FAM168B: variants seen among roughly 807,000 people sequenced by gnomAD.
FAM168B encodes the protein myelin-associated neurite-outgrowth inhibitor.
In FAM168B, 19 loss-of-function variants were observed where a neutral mutation model predicts 21.8. That is an observed-to-expected ratio of 0.87 (90% confidence interval 0.61 to 1.28). The LOEUF (loss-of-function observed/expected upper bound fraction) is 1.28, where lower values mean the gene tolerates loss of function less well. Ranked by LOEUF, FAM168B falls within the 50% of genes most tolerant of loss-of-function variation. FAM168B has a pLI of 0.00. For synonymous variants in FAM168B, 126 were observed against 104.8 expected (o/e 1.20, Z -1.24); for missense variants, 233 against 263.1 (o/e 0.89, Z 0.79).
At chr2:131,069,686 G>A (rs1312033092) in intron 3 of FAM168B, among the ~76,000 whole-genome samples, 1 of 151,862 alleles carries the variant, frequency 6.6e-6, no homozygotes, top group Admixed American at 6.6e-5. Flanking sequence ...GTAGAGAGGG[G>A]GTTTCACCGC....
At chr2:131,061,177 G>A (rs6754786) in intron 3 of FAM168B, among the ~76,000 whole-genome samples, 23,355 of 143,318 alleles carry the variant, frequency 0.16, 2,274 homozygotes, top group African/African-American at 0.27. Flanking sequence ...GTGGAAGGCC[G>A]GGCGTGGTGG....
Position 131,050,889 on chromosome 2 carries a change from G to A in FAM168B, c.*1576C>T, listed in dbSNP as rs576554111. The A allele has an allele frequency of 3.3e-5, 33 of 985,766 alleles. No individual in the cohort carries two copies. The highest frequency in any genetic ancestry group is 4.0e-5 in the Non-Finnish European group (33 of 830,250). 61.1% of individuals were successfully genotyped at this position (985,766 alleles called of 1,614,324 possible). ...AGAAGACGCACGCTCCTGCCCTAGA[G>A]GCCGCTGAAAGGGACCCAGGCCTTA... On this transcript the variant is annotated 3_prime_UTR_variant, in exon 7 of 7. Transcript: ENST00000389915.
intron 1 of FAM168B, among the ~76,000 whole-genome samples, chr2:131,092,814 T>C (rs7575891): frequency 6.6e-6 from 1 of 151,738 alleles, no homozygotes; most frequent in Non-Finnish European, 1.5e-5. Flanking sequence ...AGCAAAAAAA[T>C]AAAAATAAAA....
intron 3 of FAM168B, among the ~76,000 whole-genome samples, chr2:131,062,806 C>T (rs539577374): frequency 2.0e-5 from 3 of 152,258 alleles, no homozygotes; most frequent in African/African-American, 4.8e-5. Context: ...GCAAAAGGAG[C>T]GACTGCTCCA....
chr2:131,068,037 C>A lies in FAM168B; in HGVS notation c.154+3818G>T, dbSNP rs185565351. Among the ~76,000 whole-genome samples, 8 of 152,310 alleles carry A rather than the reference C, an allele frequency of 5.3e-5. No homozygotes were observed. The East Asian group carries it at 1.5e-3, about 29-fold the overall frequency. On this transcript the variant is annotated intron_variant, in intron 3 of 6. Transcript: ENST00000389915. ...CTGGGTGAAACCACAAGACCCCCAT[C>A]TCTTAAAAACAAACACCCAAGACAT...
chr2:131,080,257 T>C (rs1693368456), intron 2 of FAM168B, among the ~76,000 whole-genome samples: 2 of 151,758 alleles, frequency 1.3e-5, no homozygotes, highest in South Asian at 4.1e-4. Flanking sequence ...TTGCACAAAA[T>C]TAAAACAGTA....
At chr2:131,074,676 T>C (rs530352072) in intron 2 of FAM168B, among the ~76,000 whole-genome samples, 1 of 152,304 alleles carries the variant, frequency 6.6e-6, no homozygotes, top group Non-Finnish European at 1.5e-5. Context: ...GAACAAATCA[T>C]GGTGCTAACA....
intron 1 of FAM168B, among the ~76,000 whole-genome samples, chr2:131,092,015 G>A (rs1157161544): frequency 6.6e-6 from 1 of 151,548 alleles, no homozygotes; most frequent in East Asian, 1.9e-4. Context: ...GTGGTGGCGG[G>A]CGCCTGCAGT....
intron 1 of FAM168B, among the ~76,000 whole-genome samples, chr2:131,088,788 T>C (rs1171859290): frequency 1.3e-5 from 2 of 152,220 alleles, no homozygotes; most frequent in Admixed American, 6.5e-5. Flanking sequence ...TATAAGGTTA[T>C]GCACTGTACT....
Position 131,051,032 on chromosome 2 carries a change from T to A in FAM168B, c.*1433A>T, listed in dbSNP as rs1691642237. 2.0e-6 allele frequency: 2 copies of A among 985,444 alleles called. No homozygotes were observed. The highest frequency in any genetic ancestry group is 1.2e-6 in the Non-Finnish European group (1 of 829,978). The allele number at this position is 985,444 out of a possible 1,614,324, so 61.0% of individuals were successfully genotyped here. On this transcript the variant is annotated 3_prime_UTR_variant, in exon 7 of 7. Coordinates refer to ENST00000389915, the MANE Select transcript of FAM168B (RefSeq NM_001009993.4). ...GCCTTTTCATTTCTTATGTACAAGA[T>A]TCAGATCCTAAACTCAAATTCCTCT...
At position 131,049,666 on chromosome 2, in the gene FAM168B, G is replaced by A; in HGVS notation, c.*2799C>T. On this transcript the variant is annotated 3_prime_UTR_variant, in exon 7 of 7. Transcript: ENST00000389915. ...CAAATATTTTTTAAATAGCCATCATGATGTCCATGTTTACATGAACTAGGT... is the reference window on the plus strand; with the variant it reads ...CAAATATTTTTTAAATAGCCATCATAATGTCCATGTTTACATGAACTAGGT... The A allele has an allele frequency of 2.0e-6, 2 of 985,664 alleles. No homozygotes were observed. The highest frequency in any genetic ancestry group is 1.7e-5 in the African/African-American group (1 of 57,258). 61.1% of individuals were successfully genotyped at this position (985,664 alleles called of 1,614,324 possible).
rs555074743 is a variant in FAM168B, at chr2:131,078,925, T to C, written c.70+3652A>G. On this transcript the variant is annotated intron_variant, in intron 2 of 6. Transcript: ENST00000389915. ...CCCTTGAGTCCAAGGAGTTTGAGGC[T>C]GCAGTGAGCCGTGACTACACCACTG... Among the ~76,000 whole-genome samples, 24 of 148,418 alleles carry C rather than the reference T, an allele frequency of 1.6e-4. No homozygotes were observed. The South Asian group carries it at 5.1e-3, about 32-fold the overall frequency.
At chr2:131,080,580 T>C (rs1366993501) in intron 2 of FAM168B, among the ~76,000 whole-genome samples, 2 of 149,796 alleles carry the variant, frequency 1.3e-5, no homozygotes, top group East Asian at 2.0e-4. Context: ...ATCGTGCCAC[T>C]GCACTCCAGC....
intron 3 of FAM168B, among the ~76,000 whole-genome samples, chr2:131,064,357 A>G (rs1349275344): frequency 6.6e-6 from 1 of 152,198 alleles, no homozygotes; most frequent in Admixed American, 6.5e-5. Context: ...GTGAGGAGAG[A>G]AGATCTGTGC....
chr2:131,054,963 G>A (rs1171219182), intron 5 of FAM168B, among the ~76,000 whole-genome samples: 2 of 152,092 alleles, frequency 1.3e-5, no homozygotes, highest in African/African-American at 4.8e-5. Context: ...GGTACACAAA[G>A]TGTCCTCCTT....
At chr2:131,077,980 C>G (rs956104274) in intron 2 of FAM168B, among the ~76,000 whole-genome samples, 2 of 152,110 alleles carry the variant, frequency 1.3e-5, no homozygotes, top group African/African-American at 4.8e-5. Context: ...AAAGGGAGAC[C>G]AAGCCTTGCC....
chr2:131,059,208 A>G (rs933294896), intron 3 of FAM168B, among the ~76,000 whole-genome samples: 3 of 152,198 alleles, frequency 2.0e-5, no homozygotes, highest in Non-Finnish European at 4.4e-5. Flanking sequence ...GCTTGGCTTC[A>G]GGGGGAAAAG....
At chr2:131,090,683 T>C (rs1453784493) in intron 1 of FAM168B, among the ~76,000 whole-genome samples, 3 of 152,096 alleles carry the variant, frequency 2.0e-5, no homozygotes, top group Non-Finnish European at 2.9e-5. Context: ...CTGGGCGATA[T>C]AGTGAGACTC....
chr2:131,053,695 A>C (rs918820037), intron 5 of FAM168B, among the ~76,000 whole-genome samples: 48 of 151,906 alleles, frequency 3.2e-4, no homozygotes, highest in African/African-American at 1.1e-3. Context: ...TGGGCAACAT[A>C]GTGAGATCCC....
Sources: gnomAD v4.1 joint callset for allele counts (sites outside exome capture counted in the v4.1 genomes callset) on GRCh38, gnomAD v4.1.1 for gene constraint, MANE v1.5 for transcripts, NCBI Gene and HGNC (gene_info 2026-07-23, HGNC 2026-07-21) for gene names.